PLCG2: variants seen among roughly 807,000 people sequenced by gnomAD.
PLCG2 encodes 1-phosphatidylinositol 4,5-bisphosphate phosphodiesterase gamma-2.
A neutral mutation model predicts 175.6 loss-of-function variants in PLCG2; 69 were observed. The ratio of observed to expected loss-of-function variants is 0.39; its 90% CI spans 0.32 to 0.48. PLCG2 has a LOEUF of 0.48. PLCG2 is among the 20% of genes least tolerant of loss of function. The pLI, the probability that PLCG2 is intolerant of heterozygous loss-of-function variation, is 0.91. For synonymous variants in PLCG2, 827 were observed against 624.0 expected (o/e 1.33, Z -4.85); for missense variants, 1,798 against 1,650.9 (o/e 1.09, Z -1.54).
chr16:81,840,213 G>A (rs1905745993), intron 2 of PLCG2, among the ~76,000 whole-genome samples: 1 of 152,190 alleles, frequency 6.6e-6, no homozygotes, highest in Non-Finnish European at 1.5e-5. Context: ...TGCCTGGAGA[G>A]CATGCTTAGA....
rs1491211369 is a variant in PLCG2 at position 81,874,949 on chromosome 16, T to TTTTTTTGTTTTTTTGTTC, written c.648+4020_648+4021insGTTTTTTTGTTCTTTTTT. 2.2e-3 allele frequency among the ~76,000 whole-genome samples: 122 copies of TTTTTTTGTTTTTTTGTTC among 56,488 alleles called. 17 individuals carry two copies. The highest frequency in any genetic ancestry group is 6.7e-3 in the Middle Eastern group (1 of 150). 37.1% of individuals were successfully genotyped at this position (56,488 alleles called of 152,430 possible). On this transcript the variant is annotated intron_variant, in intron 7 of 32. Coordinates refer to ENST00000564138, the MANE Select transcript of PLCG2 (RefSeq NM_002661.5). ...TATTTGCTAGGCACTATCCTATGTG[T>TTTTTTTGTTTTTTTGTTC]TTTTTTTTTTTTTTTTTTTTTTTTT...
At chr16:81,901,928 G>A (rs189783295) in intron 14 of PLCG2, among the ~76,000 whole-genome samples, 44 of 152,258 alleles carry the variant, frequency 2.9e-4, no homozygotes, top group Non-Finnish European at 5.3e-4. Flanking sequence ...CTGAGAAAAG[G>A]GTCTGTAGCT....
intron 2 of PLCG2, among the ~76,000 whole-genome samples, chr16:81,818,250 C>G (rs1023307073): frequency 6.6e-6 from 1 of 152,238 alleles, no homozygotes; most frequent in Non-Finnish European, 1.5e-5. Flanking sequence ...GCTCAGTCAG[C>G]TCCTCACTTC....
intron 2 of PLCG2, among the ~76,000 whole-genome samples, chr16:81,829,581 C>T (rs1046933701): frequency 1.3e-5 from 2 of 152,220 alleles, no homozygotes; most frequent in African/African-American, 2.4e-5. Context: ...ATTACCACAT[C>T]GCTATCAAAG....
At chr16:81,824,030 T>TG in intron 2 of PLCG2, among the ~76,000 whole-genome samples, 3 of 50,132 alleles carry the variant, frequency 6.0e-5, no homozygotes, top group African/African-American at 2.6e-4. Flanking sequence ...TTTCCTTTCC[T>TG]TTCCTTTCCT....
At chr16:81,928,684 A>G in intron 24 of PLCG2, 60 bp downstream of exon 24, 1 of 1,127,530 alleles carries the variant, frequency 8.9e-7, no homozygotes, top group Non-Finnish European at 1.4e-6. Flanking sequence ...GGCTGACCTC[A>G]GCCCCGCCCT....
intron 2 of PLCG2, among the ~76,000 whole-genome samples, chr16:81,843,953 G>A (rs889898985): frequency 2.7e-5 from 4 of 150,558 alleles, no homozygotes; most frequent in African/African-American, 9.8e-5. Flanking sequence ...TTTCCTTTTC[G>A]TTTTTCTTTT....
chr16:81,827,254 A>G (rs554214414), intron 2 of PLCG2, among the ~76,000 whole-genome samples: 2 of 150,714 alleles, frequency 1.3e-5, no homozygotes, highest in South Asian at 2.1e-4. Context: ...TGGTGCCACT[A>G]TCGCTCACTG....
intron 2 of PLCG2, among the ~76,000 whole-genome samples, chr16:81,770,596 T>C (rs1222056862): frequency 6.6e-6 from 1 of 152,056 alleles, no homozygotes; most frequent in Admixed American, 6.6e-5. Flanking sequence ...GTGCATGTAG[T>C]CCCAACTACT....
intron 31 of PLCG2, 27 bp from the exon 32 acceptor site, chr16:81,956,668 G>A (rs1232558596): frequency 1.2e-6 from 2 of 1,604,290 alleles, no homozygotes; most frequent in Admixed American, 3.4e-5. Context: ...GTCACCACAT[G>A]GTTGTTCTCT....
intron 2 of PLCG2, among the ~76,000 whole-genome samples, chr16:81,818,243 C>T (rs984290383): frequency 1.3e-5 from 2 of 152,242 alleles, no homozygotes; most frequent in African/African-American, 4.8e-5. Context: ...GTCTGTGGCT[C>T]AGTCAGCTCC....
chr16:81,888,369 C>T (rs749069945), intron 9 of PLCG2, among the ~76,000 whole-genome samples: 1 of 146,258 alleles, frequency 6.8e-6, no homozygotes, highest in Non-Finnish European at 1.5e-5. Flanking sequence ...TGCCACCACG[C>T]CAAGCTGATT....
Position 81,816,651 on chromosome 16 carries a change from A to ACTTTTTTTTTTTTTTTTTTTTTT in PLCG2, c.193+30469_193+30470insCTTTTTTTTTTTTTTTTTTTTTT, listed in dbSNP as rs1555509092. On this transcript the variant is annotated intron_variant, in intron 2 of 32. Coordinates refer to ENST00000564138, the MANE Select transcript of PLCG2 (RefSeq NM_002661.5). ...GCACCACCATGCCCAGCTAATTTTA[A>ACTTTTTTTTTTTTTTTTTTTTTT]TTTTTTTTTTTTTTTTTTTTTTTTT... 3.7e-5 allele frequency among the ~76,000 whole-genome samples: 4 copies of ACTTTTTTTTTTTTTTTTTTTTTT among 108,858 alleles called. 2 individuals carry two copies. Among genetic ancestry groups the ACTTTTTTTTTTTTTTTTTTTTTT allele is most frequent in the Non-Finnish European group, 6.8e-5 (4 of 58,968 alleles). 71.4% of individuals were successfully genotyped at this position (108,858 alleles called of 152,430 possible).
At chr16:81,875,447 T>A (rs1295931382) in intron 7 of PLCG2, among the ~76,000 whole-genome samples, 1 of 152,210 alleles carries the variant, frequency 6.6e-6, no homozygotes, top group Non-Finnish European at 1.5e-5. Flanking sequence ...CTTTGACGCA[T>A]AGCCATGGAA....
At chr16:81,810,533 C>T (rs1453961503) in intron 2 of PLCG2, among the ~76,000 whole-genome samples, 1 of 152,168 alleles carries the variant, frequency 6.6e-6, no homozygotes, top group Non-Finnish European at 1.5e-5. Context: ...TTCACACATG[C>T]CCTGCTGAGG....
In PLCG2 at chr16:81,895,929, T is replaced by A; in HGVS notation, c.1193+2T>A. ...AGACCACGCCTTTGTTACCTCGAGGTCAGTTGGCTGATTTCTGGGTGGTGT... is the reference window on the plus strand; with the variant it reads ...AGACCACGCCTTTGTTACCTCGAGGACAGTTGGCTGATTTCTGGGTGGTGT... On this transcript the variant is annotated splice_donor_variant, in intron 13 of 32. Coordinates refer to ENST00000564138, the MANE Select transcript of PLCG2 (RefSeq NM_002661.5). LOFTEE classifies it high-confidence loss of function. 6.2e-7 allele frequency: 1 copy of A among 1,613,512 alleles called. No homozygotes were observed. The highest frequency in any genetic ancestry group is 8.5e-7 in the Non-Finnish European group (1 of 1,179,838).
chr16:81,867,198 C>T (rs1907284997), intron 5 of PLCG2, among the ~76,000 whole-genome samples: 1 of 152,186 alleles, frequency 6.6e-6, no homozygotes, highest in Non-Finnish European at 1.5e-5. Flanking sequence ...CGCGCTACTT[C>T]CTTCCGCATG....
intron 31 of PLCG2, among the ~76,000 whole-genome samples, chr16:81,955,145 T>G (rs1911517736): frequency 1.3e-5 from 2 of 152,222 alleles, no homozygotes; most frequent in African/African-American, 4.8e-5. Flanking sequence ...CTGCTTACTC[T>G]TCAACCTTTG....
At chr16:81,774,833 C>T (rs1436331733), upstream of PLCG2, among the ~76,000 whole-genome samples, 1 of 151,970 alleles carries the variant, frequency 6.6e-6, no homozygotes, top group African/African-American at 2.4e-5. Context: ...CAACCTCTGC[C>T]TCCTGGGCTT....
Sources: gnomAD v4.1 joint callset for allele counts (sites outside exome capture counted in the v4.1 genomes callset) on GRCh38, gnomAD v4.1.1 for gene constraint, MANE v1.5 for transcripts, NCBI Gene and HGNC (gene_info 2026-07-23, HGNC 2026-07-21) for gene names.